CDC14B: variants seen among roughly 807,000 people sequenced by gnomAD.
The protein encoded by CDC14B is cell division cycle 14B.
Under a neutral mutation model 64.2 loss-of-function variants are expected in CDC14B, and 22 were observed. That is an observed-to-expected ratio of 0.34 (90% CI 0.24 to 0.49). The LOEUF (loss-of-function observed/expected upper bound fraction) is 0.49, where lower values mean the gene tolerates loss of function less well. Ranked by LOEUF, CDC14B falls within the 20% of genes least tolerant of loss-of-function variation. The pLI is 0.99. For missense variants in CDC14B, 498 were observed against 629.9 expected (o/e 0.79, Z 2.24); for synonymous variants, 191 against 215.8 (o/e 0.89, Z 1.01).
chr9:96,579,437 A>C (rs1163221676), intron 1 of CDC14B, among the ~76,000 whole-genome samples: 1 of 151,996 alleles, frequency 6.6e-6, no homozygotes, highest in Admixed American at 6.6e-5. Context: ...AATACAAAAA[A>C]TTAGCCTGCA....
chr9:96,550,940 G>A (rs1298530528), intron 5 of CDC14B, among the ~76,000 whole-genome samples: 4 of 152,028 alleles, frequency 2.6e-5, no homozygotes, highest in Non-Finnish European at 5.9e-5. Context: ...CTTATCGACT[G>A]TCTCTACTGA....
intron 1 of CDC14B, among the ~76,000 whole-genome samples, chr9:96,593,167 G>A (rs1030439086): frequency 3.3e-5 from 5 of 151,950 alleles, no homozygotes; most frequent in Non-Finnish European, 7.4e-5. Context: ...ATTACTGAGG[G>A]ACCCAAAAGA....
intron 6 of CDC14B, among the ~76,000 whole-genome samples, chr9:96,540,726 C>T (rs1007691318): frequency 2.0e-5 from 3 of 152,006 alleles, no homozygotes; most frequent in Non-Finnish European, 4.4e-5. Flanking sequence ...CCTGCATGAG[C>T]CCACCTGGCA....
At chr9:96,549,836 A>T (rs977059340) in intron 5 of CDC14B, among the ~76,000 whole-genome samples, 3 of 152,230 alleles carry the variant, frequency 2.0e-5, no homozygotes, top group Non-Finnish European at 4.4e-5. Flanking sequence ...CTCAGTGCCA[A>T]ACTTTAATAA....
At chr9:96,611,321 A>G (rs564202512) in intron 1 of CDC14B, among the ~76,000 whole-genome samples, 1 of 152,358 alleles carries the variant, frequency 6.6e-6, no homozygotes, top group Non-Finnish European at 1.5e-5. Context: ...GTGGAAAGAA[A>G]CAATATTTGA....
Position 96,579,576 on chromosome 9 carries a change from C to T in CDC14B, c.161-14093G>A, listed in dbSNP as rs1457031382. Among the ~76,000 whole-genome samples the T allele has an allele frequency of 1.8e-4, 27 of 149,846 alleles. No individual in the cohort carries two copies. The East Asian group carries it at 5.1e-3, about 28-fold the overall frequency. ...CTCCAGCCTGGGTGACAGAGCAAGA[C>T]TCTGTCTCAAAAAAAAAAAAAAAGG... On this transcript the variant is annotated intron_variant, in intron 1 of 13. Transcript: ENST00000375241.
chr9:96,493,815 A>ACTT (rs1159415830), intron 13 of CDC14B, among the ~76,000 whole-genome samples: 2 of 151,992 alleles, frequency 1.3e-5, no homozygotes, highest in Admixed American at 6.6e-5. Flanking sequence ...ACAGAGAAAA[A>ACTT]CTTCATCTCT....
intron 5 of CDC14B, among the ~76,000 whole-genome samples, chr9:96,549,335 C>T (rs1841453884): frequency 6.6e-6 from 1 of 152,144 alleles, no homozygotes. Context: ...TTATTCTCAA[C>T]TTCTGTATTT....
intron 13 of CDC14B, among the ~76,000 whole-genome samples, chr9:96,494,333 C>T (rs1176653394): frequency 6.6e-6 from 1 of 152,236 alleles, no homozygotes; most frequent in Non-Finnish European, 1.5e-5. Context: ...GGAGTGTTTG[C>T]CTCTGTGCTC....
chr9:96,509,690 C>A lies in CDC14B; in HGVS notation c.1443G>T (p.Arg481Ser). The A allele has an allele frequency of 1.9e-6, 3 of 1,604,908 alleles. No individual in the cohort carries two copies. The highest frequency in any genetic ancestry group is 2.6e-6 in the Non-Finnish European group (3 of 1,171,746). ...TTTCTCACCTTTTAACACTGCTTTT[C>A]CTTGAAGCAGATCTGGTGGTTCTTT... ...ITKRTTRSAS[R>S]KSSVKSLSIS... The change falls in exon 13 of 14, where the codon AGG (arginine) becomes AGT (serine). Residue 481 changes from arginine to serine, a missense_variant. By Grantham distance (110) the Arg-to-Ser change is moderately radical (BLOSUM62 -1). Coordinates refer to ENST00000375241, the MANE Select transcript of CDC14B (RefSeq NM_033331.4).
chr9:96,493,530 G>GAT (rs1397921324), intron 13 of CDC14B, among the ~76,000 whole-genome samples: 2 of 152,200 alleles, frequency 1.3e-5, no homozygotes, highest in Non-Finnish European at 2.9e-5. Context: ...TATCAAATAA[G>GAT]ATACAGATAA....
chr9:96,594,036 G>A (rs1212937170), intron 1 of CDC14B, among the ~76,000 whole-genome samples: 2 of 152,154 alleles, frequency 1.3e-5, no homozygotes, highest in African/African-American at 4.8e-5. Flanking sequence ...TGGAGCGACA[G>A]GAACCAGATT....
chr9:96,610,366 T>C (rs1213475552), intron 1 of CDC14B, among the ~76,000 whole-genome samples: 1 of 151,988 alleles, frequency 6.6e-6, no homozygotes, highest in Non-Finnish European at 1.5e-5. Flanking sequence ...GCCCGGCTAA[T>C]TTTTTGTATT....
chr9:96,493,052 G>C (rs1833126979), exon 14 of CDC14B: 1 of 152,352 alleles, frequency 6.6e-6, no homozygotes, highest in African/African-American at 2.4e-5. Context: ...TGATCAGCAA[G>C]TCCATGCCAT....
In CDC14B at chr9:96,503,848, T is replaced by C. The variant is rs963471472; in HGVS notation, c.1461-59A>G. The C allele has an allele frequency of 3.4e-4, 465 of 1,372,516 alleles. 1 individual carries two copies. Among genetic ancestry groups the C allele is most frequent in the Non-Finnish European group, 6.6e-5 (64 of 969,836 alleles). 85.0% of individuals were successfully genotyped at this position (1,372,516 alleles called of 1,614,324 possible). ...AGTTTACACAGCGTCCACAGGCAGT[T>C]ATCAAAGACAAGGAGGGCAACATAA... On this transcript the variant is annotated intron_variant, in intron 13 of 13. Transcript: ENST00000375241.
At chr9:96,549,362 G>A (rs1291398461) in intron 5 of CDC14B, among the ~76,000 whole-genome samples, 1 of 152,050 alleles carries the variant, frequency 6.6e-6, no homozygotes, top group Non-Finnish European at 1.5e-5. Context: ...ACACAGGCTG[G>A]TAACAAAATG....
chr9:96,585,213 CTTTT>C (rs531434808), intron 1 of CDC14B, among the ~76,000 whole-genome samples: 27 of 143,826 alleles, frequency 1.9e-4, no homozygotes, highest in Non-Finnish European at 1.5e-4. Flanking sequence ...GATTAAGGCA[CTTTT>C]TTTTTTTTTA....
At chr9:96,509,854 GA>G in intron 12 of CDC14B, 65 bp from the exon 13 acceptor site, 1 of 1,032,246 alleles carries the variant, frequency 9.7e-7, no homozygotes, top group Non-Finnish European at 1.5e-6. Context: ...CTTGACAGAG[GA>G]AAGTATTTTT....
chr9:96,586,558 C>G (rs947039672), intron 1 of CDC14B, among the ~76,000 whole-genome samples: 3 of 152,196 alleles, frequency 2.0e-5, no homozygotes, highest in Admixed American at 1.3e-4. Flanking sequence ...CCTCAGCCTT[C>G]TGAGTAGCTG....
Sources: allele counts gnomAD v4.1 joint callset (sites outside exome capture counted in the v4.1 genomes callset), GRCh38; gene constraint gnomAD v4.1.1; transcripts MANE v1.5; gene names NCBI Gene and HGNC (gene_info 2026-07-23, HGNC 2026-07-21).